SCAPER: variants seen among roughly 807,000 people sequenced by gnomAD.
The protein encoded by SCAPER is S phase cyclin A-associated protein in the endoplasmic reticulum.
Under a neutral mutation model 182.2 loss-of-function variants are expected in SCAPER, and 98 were observed. That is an observed-to-expected ratio of 0.54 (90% CI 0.46 to 0.64). The LOEUF (loss-of-function observed/expected upper bound fraction) is 0.64. SCAPER is among the 30% of genes least tolerant of loss of function. The probability of loss-of-function intolerance (pLI) is 0.00; values close to 1 mark genes in which losing one functional copy is unlikely to be tolerated. For missense variants in SCAPER, 1,432 were observed against 1,690.0 expected (o/e 0.85, Z 2.68); for synonymous variants, 605 against 564.6 (o/e 1.07, Z -1.01).
intron 20 of SCAPER, among the ~76,000 whole-genome samples, chr15:76,687,480 T>C (rs2058095282): frequency 6.6e-6 from 1 of 152,212 alleles, no homozygotes; most frequent in African/African-American, 2.4e-5. Flanking sequence ...TTGGGGTACA[T>C]ATGCAGAACA....
At chr15:76,686,701 G>C (rs547281437) in intron 20 of SCAPER, among the ~76,000 whole-genome samples, 1 of 152,100 alleles carries the variant, frequency 6.6e-6, no homozygotes. Context: ...TCACAAAACA[G>C]TACAGCAACC....
rs192770438 is a variant in SCAPER at position 76,766,770 on chromosome 15, C to G, written c.1419+148G>C. On this transcript the variant is annotated intron_variant, in intron 11 of 31. Transcript: ENST00000563290. Reference sequence around the variant, plus strand: ...GTTTATTGTGTAAGTCTAAATCACCCTGAGAATAATAGTTATGATTACTGA... The same window carrying G: ...GTTTATTGTGTAAGTCTAAATCACCGTGAGAATAATAGTTATGATTACTGA... 456 of 635,698 alleles carry G rather than the reference C, an allele frequency of 7.2e-4. 1 individual carries two copies. In the African/African-American group the frequency reaches 7.9e-3, roughly 11 times the overall value. The allele number at this position is 635,698 out of a possible 1,614,324, so 39.4% of individuals were successfully genotyped here.
At chr15:76,672,610 C>T (rs889926020) in intron 20 of SCAPER, among the ~76,000 whole-genome samples, 4 of 151,958 alleles carry the variant, frequency 2.6e-5, no homozygotes, top group East Asian at 1.9e-4. Flanking sequence ...AGTAAATAAA[C>T]ACAACAAATA....
chr15:76,559,530 T>C (rs1015244161), intron 23 of SCAPER, among the ~76,000 whole-genome samples: 4 of 152,188 alleles, frequency 2.6e-5, no homozygotes, highest in African/African-American at 9.6e-5. Context: ...CCTTTATAAA[T>C]TGCCCAATAT....
chr15:76,550,665 G>A (rs937779383), intron 23 of SCAPER, among the ~76,000 whole-genome samples: 22 of 152,154 alleles, frequency 1.4e-4, no homozygotes, highest in Admixed American at 1.1e-3. Flanking sequence ...ACGTGTGCAT[G>A]TATCTTTGTA....
At chr15:76,388,637 G>A (rs866844791) in intron 27 of SCAPER, among the ~76,000 whole-genome samples, 2 of 152,134 alleles carry the variant, frequency 1.3e-5, no homozygotes, top group South Asian at 4.1e-4. Context: ...ATTCTGGGAT[G>A]TTACAACAGA....
At chr15:76,445,713 G>C (rs1250550426) in intron 25 of SCAPER, among the ~76,000 whole-genome samples, 1 of 152,026 alleles carries the variant, frequency 6.6e-6, no homozygotes, top group African/African-American at 2.4e-5. Context: ...CATCTCACTT[G>C]GCCCCTTCTG....
intron 25 of SCAPER, among the ~76,000 whole-genome samples, chr15:76,439,559 G>A (rs1371670954): frequency 6.6e-6 from 1 of 152,216 alleles, no homozygotes; most frequent in Non-Finnish European, 1.5e-5. Context: ...TTATGTGAGT[G>A]AGTTCTGATA....
At chr15:76,891,895 G>A (rs187374093) in intron 1 of SCAPER, among the ~76,000 whole-genome samples, 92 of 152,224 alleles carry the variant, frequency 6.0e-4, no homozygotes, top group Non-Finnish European at 3.4e-4. Flanking sequence ...AAATAACGAA[G>A]CTGGAGACTT....
intron 24 of SCAPER, 144 bp downstream of exon 24, chr15:76,504,715 T>C (rs897338690): frequency 1.6e-6 from 1 of 609,492 alleles, no homozygotes; most frequent in African/African-American, 1.9e-5. Context: ...GCACCTCTGT[T>C]TTTCTCCCTA....
chr15:76,733,458 C>G, intron 15 of SCAPER, 74 bp from the exon 16 acceptor site: 1 of 1,526,310 alleles, frequency 6.6e-7, no homozygotes, highest in Non-Finnish European at 8.8e-7. Context: ...AGAAATCTAA[C>G]AACAGTCAGG....
intron 22 of SCAPER, among the ~76,000 whole-genome samples, chr15:76,601,771 T>C (rs2049948558): frequency 8.2e-6 from 1 of 121,752 alleles, no homozygotes; most frequent in Non-Finnish European, 2.0e-5. Context: ...AAATACCTTA[T>C]AATAACAAAA....
At chr15:76,398,265 G>A (rs12907805) in intron 27 of SCAPER, among the ~76,000 whole-genome samples, 60,624 of 152,038 alleles carry the variant, frequency 0.4, 14,396 homozygotes, top group Middle Eastern at 0.55. Flanking sequence ...GATAATAGTG[G>A]CCAACATTTA....
chr15:76,746,865 A>C (rs1419554575), intron 15 of SCAPER, among the ~76,000 whole-genome samples: 2 of 152,280 alleles, frequency 1.3e-5, no homozygotes, highest in Non-Finnish European at 2.9e-5. Context: ...AAATTAAAGA[A>C]GACAAATAAA....
At chr15:76,474,403 C>G (rs1386561550) in intron 24 of SCAPER, among the ~76,000 whole-genome samples, 1 of 152,134 alleles carries the variant, frequency 6.6e-6, no homozygotes, top group Admixed American at 6.5e-5. Flanking sequence ...TCTGATATAG[C>G]TGTATACTGC....
Position 76,658,829 on chromosome 15 carries a change from C to T in SCAPER, c.2645+6824G>A, listed in dbSNP as rs561533022. 5.6e-4 allele frequency among the ~76,000 whole-genome samples: 86 copies of T among 152,268 alleles called. No individual in the cohort carries two copies. In the South Asian group the frequency reaches 0.017, roughly 30 times the overall value. ...GAACAAGCAGTGGGGAAAGGAATTT[C>T]TATTCATTAAATGGTGCTGGGGTAA... is the stretch of plus-strand genomic sequence containing the variant. On this transcript the variant is annotated intron_variant, in intron 21 of 31. Transcript: ENST00000563290.
intron 25 of SCAPER, among the ~76,000 whole-genome samples, chr15:76,470,385 G>A (rs1011170706): frequency 6.6e-6 from 1 of 152,158 alleles, no homozygotes; most frequent in Non-Finnish European, 1.5e-5. Flanking sequence ...GGCTGGGGAA[G>A]ATCTCATGAA....
chr15:76,693,737 G>C (rs1461460276), intron 20 of SCAPER, among the ~76,000 whole-genome samples: 1 of 152,032 alleles, frequency 6.6e-6, no homozygotes. Flanking sequence ...AGTGAAATAA[G>C]CCAGTCACAA....
chr15:76,688,843 C>CTTTTTTTTTT (rs71143353), intron 20 of SCAPER, among the ~76,000 whole-genome samples: 1 of 92,368 alleles, frequency 1.1e-5, no homozygotes, highest in Non-Finnish European at 2.1e-5. Flanking sequence ...AAATGCCTCT[C>CTTTTTTTTTT]TTTTTTTTTT....
Sources: allele counts gnomAD v4.1 joint callset (sites outside exome capture counted in the v4.1 genomes callset), GRCh38; gene constraint gnomAD v4.1.1; transcripts MANE v1.5; gene names NCBI Gene and HGNC (gene_info 2026-07-23, HGNC 2026-07-21).